The following WDR86 variants were observed in gnomAD, a reference collection of about 807,000 sequenced individuals.
WDR86 encodes WD repeat domain 86.
WDR86 carries 30 observed loss-of-function variants against 36.5 expected under a neutral mutation model. That is an observed-to-expected ratio of 0.82 (90% CI 0.61 to 1.11). WDR86 has a LOEUF of 1.11. Among genes scored for constraint, WDR86 ranks in the 50% most tolerant of loss-of-function variants. The pLI, the probability that WDR86 is intolerant of heterozygous loss-of-function variation, is 0.00. For missense variants in WDR86, 545 were observed against 561.2 expected (o/e 0.97, Z 0.29); for synonymous variants, 255 against 252.9 (o/e 1.01, Z -0.08).
chr7:151,395,645 G>C (rs988021312), intron 3 of WDR86, 131 bp downstream of exon 3: 10 of 1,157,134 alleles, frequency 8.6e-6, no homozygotes, highest in African/African-American at 1.5e-5. Flanking sequence ...CAAGGCCTCC[G>C]TGGCGCTTGC....
intron 3 of WDR86, among the ~76,000 whole-genome samples, chr7:151,394,060 G>A (rs1299920530): frequency 6.6e-6 from 1 of 152,200 alleles, no homozygotes; most frequent in Admixed American, 6.5e-5. Context: ...TGGAGCTGAG[G>A]CCAAGGGAAA....
At chr7:151,385,294 G>C in intron 3 of WDR86, 71 bp from the exon 4 acceptor site, 2 of 1,590,104 alleles carry the variant, frequency 1.3e-6, no homozygotes, top group African/African-American at 1.3e-5. Flanking sequence ...CCCTCTATAA[G>C]GGGGGAAGGG....
chr7:151,398,242 GTGT>G (rs565735444), intron 2 of WDR86, among the ~76,000 whole-genome samples: 6 of 152,132 alleles, frequency 3.9e-5, no homozygotes, highest in Middle Eastern at 3.4e-3. Context: ...GTGCATGTGT[GTGT>G]TGTGTGTGCA....
chr7:151,384,379 A>T (rs976496667), intron 4 of WDR86, among the ~76,000 whole-genome samples: 3 of 152,252 alleles, frequency 2.0e-5, no homozygotes, highest in African/African-American at 7.2e-5. Context: ...AGAGGTATGT[A>T]GAAGCCCTTG....
In WDR86 at chr7:151,405,249, G is replaced by A. The variant is rs1210449113; in HGVS notation, c.163+4178C>T. ...TTCCGACAAGTGGGAGCCGCAGCTG[G>A]AGACTCTAGGTCAGGATATGTTCCC... On this transcript the variant is annotated intron_variant, in intron 1 of 5. Transcript: ENST00000334493. The surrounding 1 kb of genome is among the most constrained non-coding windows in gnomAD (Gnocchi z 4.7). 2.1e-5 allele frequency among the ~76,000 whole-genome samples: 3 copies of A among 141,458 alleles called. No individual in the cohort carries two copies. The highest frequency in any genetic ancestry group is 8.4e-5 in the African/African-American group (3 of 35,646). 92.8% of individuals were successfully genotyped at this position (141,458 alleles called of 152,430 possible).
chr7:151,400,150 C>T lies in WDR86; in HGVS notation c.255G>A (p.Leu85=), dbSNP rs371627152. The change falls in exon 2 of 6, where the codon CTG becomes CTA. Residue 85 remains leucine (L), a synonymous_variant. Coordinates refer to ENST00000334493, the MANE Select transcript of WDR86 (RefSeq NM_198285.3). ...GGTACACCTGCAGACACTGCCCGGT[C>T]AGCACGTCCCACCTCCTGATGGTGC... is the stretch of plus-strand genomic sequence containing the variant. ...ADCTIRRWDV[L]TGQCLQVYRG... is the part of the protein sequence containing the mutation. The T allele has an allele frequency of 3.1e-6, 5 of 1,612,230 alleles. No individual in the cohort carries two copies. The South Asian group carries it at 3.3e-5, about 11-fold the overall frequency.
At chr7:151,389,936 C>CTG (rs1023775836) in intron 3 of WDR86, among the ~76,000 whole-genome samples, 3 of 152,204 alleles carry the variant, frequency 2.0e-5, no homozygotes, top group African/African-American at 7.2e-5. Context: ...CCACACAGTC[C>CTG]TGTGTGTGGG....
chr7:151,395,814 C>G lies in WDR86; in HGVS notation c.688G>C (p.Val230Leu). 6.4e-7 allele frequency: 1 copy of G among 1,572,352 alleles called. No homozygotes were observed. The highest frequency in any genetic ancestry group is 8.6e-7 in the Non-Finnish European group (1 of 1,161,022). ...WDILSGEQLR[V>L]FREHRGSVIC... The stretch of plus-strand genomic sequence containing the variant: ...ACGGAGCCCCGGTGCTCCCGGAACA[C>G]CCGCAGCTGCTCCCCACTCAGGATG... Residue 230 changes from valine to leucine, a missense_variant, in exon 3 of 6, where the codon GTG (valine) becomes CTG (leucine). Coordinates refer to ENST00000334493, the MANE Select transcript of WDR86 (RefSeq NM_198285.3).
intron 3 of WDR86, among the ~76,000 whole-genome samples, chr7:151,395,082 C>T (rs1485388150): frequency 6.6e-6 from 1 of 152,248 alleles, no homozygotes; most frequent in African/African-American, 2.4e-5. Flanking sequence ...AGCAACCCCA[C>T]GTCCCACACG....
chr7:151,371,999 C>T (rs1797981369), downstream of WDR86, among the ~76,000 whole-genome samples: 1 of 152,224 alleles, frequency 6.6e-6, no homozygotes, highest in African/African-American at 2.4e-5. Context: ...TGAGCCACTG[C>T]ACCCAGCCTT....
chr7:151,409,398 G>A lies in WDR86; in HGVS notation c.163+29C>T. ...TCTGGGGCCGGTGAGCTGCGGCGAA[G>A]AGGTCAGGGAGGGAGTGGGAGGGTC... is the stretch of plus-strand genomic sequence containing the variant. On this transcript the variant is annotated intron_variant, in intron 1 of 5. Coordinates refer to ENST00000334493, the MANE Select transcript of WDR86 (RefSeq NM_198285.3). This position sits in a 1 kb window ranked among gnomAD's most constrained non-coding sequence, Gnocchi z 5.2. 6.4e-7 allele frequency: 1 copy of A among 1,552,600 alleles called. No homozygotes were observed. Among genetic ancestry groups the A allele is most frequent in the Non-Finnish European group, 8.7e-7 (1 of 1,149,984 alleles).
chr7:151,407,597 G>A (rs781006147), intron 1 of WDR86, among the ~76,000 whole-genome samples: 1 of 152,190 alleles, frequency 6.6e-6, no homozygotes, highest in East Asian at 1.9e-4. Flanking sequence ...TCAGCACTTC[G>A]GGAGGCCAAG....
At chr7:151,397,460 G>A (rs561924186) in intron 2 of WDR86, among the ~76,000 whole-genome samples, 2 of 152,344 alleles carry the variant, frequency 1.3e-5, no homozygotes, top group East Asian at 3.9e-4. Context: ...GTCTCACTCT[G>A]TCGCCCAGGC....
At chr7:151,385,573 G>A (rs1435706726) in intron 3 of WDR86, among the ~76,000 whole-genome samples, 1 of 152,180 alleles carries the variant, frequency 6.6e-6, no homozygotes, top group Non-Finnish European at 1.5e-5. Context: ...TTAACTGCTC[G>A]CTCCTGCTGG....
chr7:151,395,184 G>A (rs1442417336), intron 3 of WDR86, among the ~76,000 whole-genome samples: 2 of 152,170 alleles, frequency 1.3e-5, no homozygotes, highest in Admixed American at 6.5e-5. Flanking sequence ...CCATGAGGAC[G>A]GAGCCCAGGA....
chr7:151,402,070 A>AAATATATATATATATAT, intron 1 of WDR86, among the ~76,000 whole-genome samples: 4 of 50,534 alleles, frequency 7.9e-5, no homozygotes, highest in Non-Finnish European at 1.3e-4. Flanking sequence ...AAAAAAAAAA[A>AAATATATATATATATAT]ATATATATAT....
At chr7:151,376,621 C>T (rs376207252), downstream of WDR86, 86 of 1,596,916 alleles carry the variant, frequency 5.4e-5, no homozygotes, top group East Asian at 9.0e-5. Context: ...GTGACCCCTG[C>T]GCTCTCCCCT....
chr7:151,373,874 C>T (rs1053530786), downstream of WDR86, among the ~76,000 whole-genome samples: 4 of 152,234 alleles, frequency 2.6e-5, no homozygotes, highest in East Asian at 7.7e-4. Context: ...ACGGGCATCT[C>T]ACTTCCACTG....
chr7:151,376,373 G>T, downstream of WDR86: 6 of 515,358 alleles, frequency 1.2e-5, no homozygotes, highest in South Asian at 1.6e-4. Context: ...GGTGAGGCTG[G>T]TGTGGCGCCC....
Sources: allele counts gnomAD v4.1 joint callset (sites outside exome capture counted in the v4.1 genomes callset), GRCh38; gene constraint gnomAD v4.1.1; non-coding constraint Gnocchi (gnomAD v3.1); transcripts MANE v1.5; gene names NCBI Gene and HGNC (gene_info 2026-07-23, HGNC 2026-07-21).